Variants in PARD3 observed in about 807,000 individuals in gnomAD.
PARD3 encodes the protein par-3 family cell polarity regulator.
A neutral mutation model predicts 155.4 loss-of-function variants in PARD3; 75 were observed. The observed-to-expected ratio is 0.48, with a 90% CI of 0.40 to 0.58. PARD3 has a LOEUF of 0.58. Ranked by LOEUF, PARD3 falls within the 20% of genes least tolerant of loss-of-function variation. The pLI is 0.00. For synonymous variants in PARD3, 576 were observed against 610.5 expected (o/e 0.94, Z 0.83); for missense variants, 1,642 against 1,721.7 (o/e 0.95, Z 0.82).
At chr10:34,445,984 G>A (rs1429548613) in intron 5 of PARD3, among the ~76,000 whole-genome samples, 1 of 152,078 alleles carries the variant, frequency 6.6e-6, no homozygotes, top group Non-Finnish European at 1.5e-5. Context: ...AACCTATACT[G>A]GTGCTTTTAC....
intron 5 of PARD3, among the ~76,000 whole-genome samples, chr10:34,442,749 T>C (rs74828381): frequency 0.01 from 1,537 of 152,202 alleles, 25 homozygotes; most frequent in African/African-American, 0.034. Context: ...TGTGCATCAG[T>C]AGTCCCAGCT....
At chr10:34,290,723 GT>G (rs1956636923) in intron 20 of PARD3, among the ~76,000 whole-genome samples, 2 of 152,122 alleles carry the variant, frequency 1.3e-5, no homozygotes, top group Non-Finnish European at 2.9e-5. Flanking sequence ...CTTTCCTGAT[GT>G]TTTTGAAGAC....
At chr10:34,708,653 A>G (rs1010911737) in intron 1 of PARD3, among the ~76,000 whole-genome samples, 7 of 152,208 alleles carry the variant, frequency 4.6e-5, no homozygotes, top group Non-Finnish European at 7.3e-5. Flanking sequence ...TCAGTGGTGC[A>G]TTTCACTAAA....
At chr10:34,607,693 T>C (rs1313451808) in intron 2 of PARD3, among the ~76,000 whole-genome samples, 1 of 152,164 alleles carries the variant, frequency 6.6e-6, no homozygotes, top group Non-Finnish European at 1.5e-5. Context: ...GACACACTCC[T>C]GTGAGCTCAG....
At position 34,147,668 on chromosome 10, in the gene PARD3, T is replaced by C. The variant is rs182567628; in HGVS notation, c.3420-16085A>G. Among the ~76,000 whole-genome samples, 285 of 152,020 alleles carry C rather than the reference T, an allele frequency of 1.9e-3. 1 individual carries two copies. The highest frequency in any genetic ancestry group is 6.5e-3 in the African/African-American group (272 of 41,550). On this transcript the variant is annotated intron_variant, in intron 22 of 24. Transcript: ENST00000374788. ...TTACTAACTTTGTTTTGGAAAAAAA[T>C]CCCAACTTAATATGATTATAGATTT...
chr10:34,428,327 C>T (rs757825388), intron 5 of PARD3, among the ~76,000 whole-genome samples: 8 of 152,290 alleles, frequency 5.3e-5, no homozygotes, highest in Non-Finnish European at 8.8e-5. Flanking sequence ...CATCTACTCA[C>T]AAATACCTAC....
chr10:34,431,238 A>T (rs150370344), intron 5 of PARD3, among the ~76,000 whole-genome samples: 1 of 152,208 alleles, frequency 6.6e-6, no homozygotes, highest in African/African-American at 2.4e-5. Flanking sequence ...GTGAGCATCA[A>T]TACACATGAT....
At chr10:34,397,780 C>T (rs1291603121) in intron 7 of PARD3, among the ~76,000 whole-genome samples, 1 of 152,114 alleles carries the variant, frequency 6.6e-6, no homozygotes, top group East Asian at 1.9e-4. Flanking sequence ...CTGGTACAGA[C>T]ACAATTAAAT....
chr10:34,720,441 G>T, intron 1 of PARD3, among the ~76,000 whole-genome samples: 1 of 92,148 alleles, frequency 1.1e-5, no homozygotes, highest in African/African-American at 5.0e-5. Flanking sequence ...ACAGAGCAAG[G>T]CTCTGTCAAA....
chr10:34,241,050 G>A (rs1474806996), intron 22 of PARD3, among the ~76,000 whole-genome samples: 1 of 152,152 alleles, frequency 6.6e-6, no homozygotes, highest in African/African-American at 2.4e-5. Context: ...ACACTTAAGA[G>A]GGCAGAATCA....
chr10:34,237,250 T>C (rs1953292461), intron 22 of PARD3, among the ~76,000 whole-genome samples: 1 of 152,232 alleles, frequency 6.6e-6, no homozygotes, highest in Non-Finnish European at 1.5e-5. Flanking sequence ...ATCTTTGTTT[T>C]GTTTAAGCAC....
intron 3 of PARD3, among the ~76,000 whole-genome samples, chr10:34,490,963 A>C (rs570693238): frequency 6.6e-6 from 1 of 152,328 alleles, no homozygotes; most frequent in Admixed American, 6.5e-5. Context: ...ACATGCAGCC[A>C]AGACAGCTCT....
At chr10:34,358,278 G>GT (rs1463448400) in intron 14 of PARD3, among the ~76,000 whole-genome samples, 2 of 152,022 alleles carry the variant, frequency 1.3e-5, no homozygotes, top group Non-Finnish European at 2.9e-5. Flanking sequence ...ATACAACAAA[G>GT]TATGTTTTTC....
intron 2 of PARD3, among the ~76,000 whole-genome samples, chr10:34,663,165 TA>T (rs1238950472): frequency 6.6e-6 from 1 of 151,782 alleles, no homozygotes; most frequent in Non-Finnish European, 1.5e-5. Flanking sequence ...ATTGTACATT[TA>T]AAATAACTAA....
At chr10:34,150,679 G>GA (rs769425677) in intron 22 of PARD3, among the ~76,000 whole-genome samples, 2 of 152,286 alleles carry the variant, frequency 1.3e-5, no homozygotes, top group Admixed American at 6.5e-5. Context: ...CAGGCTTGGG[G>GA]AATACCTGGG....
chr10:34,249,675 C>T (rs767682756), intron 22 of PARD3, among the ~76,000 whole-genome samples: 96 of 152,280 alleles, frequency 6.3e-4, no homozygotes, highest in African/African-American at 2.2e-3. Flanking sequence ...ATATGTCCCC[C>T]ACCCTGTATG....
chr10:34,698,738 A>G (rs1361498308), intron 1 of PARD3, among the ~76,000 whole-genome samples: 2 of 152,180 alleles, frequency 1.3e-5, no homozygotes, highest in Admixed American at 6.5e-5. Flanking sequence ...AAAAACCACA[A>G]TCGTATGGAA....
intron 19 of PARD3, among the ~76,000 whole-genome samples, chr10:34,323,617 T>C (rs1403131522): frequency 6.6e-6 from 1 of 152,200 alleles, no homozygotes; most frequent in Admixed American, 6.5e-5. Context: ...AGAAAAACAA[T>C]AGGATCACTC....
chr10:34,214,111 G>C (rs117890443), intron 22 of PARD3, among the ~76,000 whole-genome samples: 1,876 of 148,502 alleles, frequency 0.013, 26 homozygotes, highest in Non-Finnish European at 0.017. Flanking sequence ...ATGTTGCCAA[G>C]ACTGGTCTTG....
Sources: allele counts gnomAD v4.1 joint callset (sites outside exome capture counted in the v4.1 genomes callset), GRCh38; gene constraint gnomAD v4.1.1; transcripts MANE v1.5; gene names NCBI Gene and HGNC (gene_info 2026-07-23, HGNC 2026-07-21).